SPIRE2: variants seen among roughly 807,000 people sequenced by gnomAD.
SPIRE2 encodes spire type actin nucleation factor 2.
A neutral mutation model predicts 80.7 loss-of-function variants in SPIRE2; 76 were observed. The ratio of observed to expected loss-of-function variants is 0.94; its 90% confidence interval spans 0.78 to 1.14. The LOEUF is 1.14. Among genes scored for constraint, SPIRE2 ranks in the 50% most tolerant of loss-of-function variants. The probability of loss-of-function intolerance (pLI) is 0.00; values close to 1 mark genes in which losing one functional copy is unlikely to be tolerated. For missense variants in SPIRE2, 1,196 were observed against 1,015.3 expected, an observed-to-expected ratio of 1.18 and a Z score of -2.42; for synonymous variants, 535 against 432.6, an observed-to-expected ratio of 1.24 and a Z score of -2.94.
intron 5 of SPIRE2, among the ~76,000 whole-genome samples, chr16:89,855,155 G>A (rs2041677846): frequency 6.6e-6 from 1 of 152,158 alleles, no homozygotes; most frequent in Non-Finnish European, 1.5e-5. Context: ...AGCCACGATG[G>A]TCTCGATCTC....
Position 89,828,715 on chromosome 16 carries a change from G to C in SPIRE2, c.165G>C (p.Pro55=). 12 of 1,263,916 alleles carry C rather than the reference G, an allele frequency of 9.5e-6. No homozygotes were observed. Among genetic ancestry groups the C allele is most frequent in the East Asian group, 3.3e-5 (1 of 30,046 alleles). 78.3% of individuals were successfully genotyped at this position (1,263,916 alleles called of 1,614,324 possible). Residue 55 remains proline, a synonymous_variant, in exon 1 of 15, where the codon CCG becomes CCC. Transcript: ENST00000378247. The surrounding 1 kb of genome is among the most constrained non-coding windows in gnomAD (Gnocchi z 5.9). ...GCTGCCGCGGGCTGCGGGGCTCGCC[G>C]GGCCGGCGCCTGCGGGATACCGGGG... ...FQGCRGLRGS[P]GRRLRDTGDL...
In SPIRE2 at chr16:89,863,168, A is replaced by G. The variant is rs184959219; in HGVS notation, c.1576-308A>G. 1.1e-3 allele frequency: 484 copies of G among 422,554 alleles called. 2 individuals are homozygous for G. The highest frequency in any genetic ancestry group is 9.3e-3 in the African/African-American group (461 of 49,606). The allele number at this position is 422,554 out of a possible 1,614,324, so 26.2% of individuals were successfully genotyped here. Reference sequence around the variant, plus strand: ...GATTCTGGCTGGTGTGGATCAGCCCATGGTGTGTTTGCAGGCAGGGACACC... The same window carrying G: ...GATTCTGGCTGGTGTGGATCAGCCCGTGGTGTGTTTGCAGGCAGGGACACC... On this transcript the variant is annotated intron_variant, in intron 10 of 14. Coordinates refer to ENST00000378247, the MANE Select transcript of SPIRE2 (RefSeq NM_032451.2). This position sits in a 1 kb window ranked among gnomAD's most constrained non-coding sequence, Gnocchi z 4.3.
At position 89,854,375 on chromosome 16, in the gene SPIRE2, C is replaced by T; in HGVS notation, c.726+9C>T. 6.2e-7 allele frequency: 1 copy of T among 1,612,058 alleles called. No homozygotes were observed. Among genetic ancestry groups the T allele is most frequent in the Non-Finnish European group, 8.5e-7 (1 of 1,179,658 alleles). On this transcript the variant is annotated intron_variant, in intron 4 of 14. Coordinates refer to ENST00000378247, the MANE Select transcript of SPIRE2 (RefSeq NM_032451.2). ...TGGGTCACACAGACTGGGTAAGGCT[C>T]ACTCCCACCTGACCGGGCCACTGAC...
At chr16:89,850,269 C>T in intron 2 of SPIRE2, 35 bp from the exon 3 acceptor site, 1 of 1,580,008 alleles carries the variant, frequency 6.3e-7, no homozygotes. Flanking sequence ...CACCCCCCTG[C>T]AGTACCGCCC....
intron 2 of SPIRE2, chr16:89,846,576 T>G (rs1371858173): frequency 6.6e-6 from 1 of 151,978 alleles, no homozygotes; most frequent in Non-Finnish European, 1.5e-5. Flanking sequence ...TGCAGTGGCG[T>G]GATCTTGGCT....
At chr16:89,867,058 T>C (rs748547436) in intron 12 of SPIRE2, among the ~76,000 whole-genome samples, 1 of 152,096 alleles carries the variant, frequency 6.6e-6, no homozygotes, top group African/African-American at 2.4e-5. Flanking sequence ...TACACACCAA[T>C]GTCTACACGT....
chr16:89,838,425 C>T (rs2041472013), intron 1 of SPIRE2, among the ~76,000 whole-genome samples: 2 of 152,006 alleles, frequency 1.3e-5, no homozygotes, highest in Admixed American at 6.6e-5. Context: ...CTCAGGTGAT[C>T]GGCCTGCCTC....
intron 3 of SPIRE2, among the ~76,000 whole-genome samples, chr16:89,852,611 C>T (rs1192449239): frequency 1.8e-5 from 1 of 55,350 alleles, no homozygotes; most frequent in Non-Finnish European, 3.6e-5. Context: ...CCCTCCACCC[C>T]CCAGATCCCC....
chr16:89,856,922 C>G (rs562424010), intron 7 of SPIRE2, among the ~76,000 whole-genome samples: 211 of 151,668 alleles, frequency 1.4e-3, no homozygotes, highest in African/African-American at 4.9e-3. Context: ...AAAAATTAGC[C>G]AGGTGTGGTG....
chr16:89,847,644 T>C (rs2041575750), intron 2 of SPIRE2, among the ~76,000 whole-genome samples: 1 of 152,210 alleles, frequency 6.6e-6, no homozygotes, highest in Admixed American at 6.5e-5. Flanking sequence ...ATGAAATGAC[T>C]GCACAGCCCC....
rs201891427 is a variant in SPIRE2, at chr16:89,856,136, G to T, written c.1002G>T (p.Pro334=). 8.1e-6 allele frequency: 13 copies of T among 1,611,690 alleles called. No homozygotes were observed. Among genetic ancestry groups the T allele is most frequent in the Non-Finnish European group, 1.0e-5 (12 of 1,179,688 alleles). Residue 334 remains proline, a synonymous_variant, in exon 7 of 15, where the codon CCG becomes CCT. Coordinates refer to ENST00000378247, the MANE Select transcript of SPIRE2 (RefSeq NM_032451.2). The stretch of plus-strand genomic sequence containing the variant: ...AGGTCTCTGAGAGGCGGCTGCGCCC[G>T]TTGCCACCAAAGCAAAGGTCCCTGC... ...LKQVSERRLR[P]LPPKQRSLHE...
rs2041619876 is a variant in SPIRE2 at position 89,850,849 on chromosome 16, T to TG, written c.645+189_645+190insG. Among the ~76,000 whole-genome samples the TG allele has an allele frequency of 5.9e-5, 9 of 152,096 alleles. No homozygotes were observed. In the South Asian group the frequency reaches 6.2e-4, roughly 11 times the overall value. ...GTTGTTTTTTTGTTGTTGTTGTTGT[T>TG]TTTTTAGACAGGGTCTCACTCTGTC... On this transcript the variant is annotated intron_variant, in intron 3 of 14. Coordinates refer to ENST00000378247, the MANE Select transcript of SPIRE2 (RefSeq NM_032451.2).
At position 89,828,743 on chromosome 16, in the gene SPIRE2, C is replaced by A. The variant is rs776584016; in HGVS notation, c.193C>A (p.Leu65Ile). The change falls in exon 1 of 15, where the codon CTC becomes ATC. Residue 65 changes from leucine to isoleucine, a missense_variant. Physicochemically the swap from Leu to Ile is conservative, Grantham distance 5. Coordinates refer to ENST00000378247, the MANE Select transcript of SPIRE2 (RefSeq NM_032451.2). The surrounding 1 kb of genome is among the most constrained non-coding windows in gnomAD (Gnocchi z 5.9). Reference sequence around the variant, plus strand: ...CCGGCGCCTGCGGGATACCGGGGACCTCCTGCTGCGCGGGGACGGCTCGGT... The same window carrying A: ...CCGGCGCCTGCGGGATACCGGGGACATCCTGCTGCGCGGGGACGGCTCGGT... Reference protein sequence around the residue: ...PGRRLRDTGDLLLRGDGSVGA... With the variant: ...PGRRLRDTGDILLRGDGSVGA... 5 of 1,222,906 alleles carry A rather than the reference C, an allele frequency of 4.1e-6. No individual in the cohort carries two copies. The highest frequency in any genetic ancestry group is 5.1e-6 in the Non-Finnish European group (5 of 980,434). The allele number at this position is 1,222,906 out of a possible 1,614,324, so 75.8% of individuals were successfully genotyped here.
intron 12 of SPIRE2, among the ~76,000 whole-genome samples, chr16:89,866,493 T>C (rs2041789952): frequency 6.6e-6 from 1 of 152,086 alleles, no homozygotes; most frequent in Non-Finnish European, 1.5e-5. Flanking sequence ...ATGGGGTTTC[T>C]CCATGTTGGT....
chr16:89,829,880 C>T (rs993567081), intron 1 of SPIRE2, among the ~76,000 whole-genome samples: 2 of 151,450 alleles, frequency 1.3e-5, no homozygotes, highest in African/African-American at 4.8e-5. Flanking sequence ...TCCCTCAGGG[C>T]TGTGCCCACT....
In SPIRE2 at chr16:89,870,684, C is replaced by A; in HGVS notation, c.*412C>A. 5.6e-6 allele frequency: 1 copy of A among 177,780 alleles called. No individual in the cohort carries two copies. The highest frequency in any genetic ancestry group is 1.2e-5 in the Non-Finnish European group (1 of 81,390). The allele number at this position is 177,780 out of a possible 1,614,324, so 11.0% of individuals were successfully genotyped here. A position where few individuals can be genotyped will look rare whatever the true frequency, so the allele number is the denominator to read the frequency against. ...CAGGGTATCTTGGCTCCCAGCTGGACCAGAGTGCCCTGCTTGCCTCTGCTC... is the reference window on the plus strand; with the variant it reads ...CAGGGTATCTTGGCTCCCAGCTGGAACAGAGTGCCCTGCTTGCCTCTGCTC... On this transcript the variant is annotated 3_prime_UTR_variant, in exon 15 of 15. Transcript: ENST00000378247.
chr16:89,842,208 A>ATGTTTTTTTTTTTTTT (rs2041512449), intron 1 of SPIRE2, among the ~76,000 whole-genome samples: 1 of 81,306 alleles, frequency 1.2e-5, no homozygotes, highest in African/African-American at 6.1e-5. Flanking sequence ...TGAACACGTA[A>ATGTTTTTTTTTTTTTT]TTTTTTTTTT....
chr16:89,828,699 G>C lies in SPIRE2; in HGVS notation c.149G>C (p.Gly50Ala). 1 of 1,287,682 alleles carries C rather than the reference G, an allele frequency of 7.8e-7. No homozygotes were observed. The highest frequency in any genetic ancestry group is 3.3e-5 in the East Asian group (1 of 30,364). 79.8% of individuals were successfully genotyped at this position (1,287,682 alleles called of 1,614,324 possible). ...AWAVCFQGCR[G>A]LRGSPGRRLR... ...GCCGTGTGCTTCCAGGGCTGCCGCG[G>C]GCTGCGGGGCTCGCCGGGCCGGCGC... is the stretch of plus-strand genomic sequence containing the variant. The change falls in exon 1 of 15, where the codon GGG (glycine) becomes GCG (alanine). Residue 50 changes from glycine to alanine, a missense_variant. Physicochemically the swap from Gly to Ala is moderately conservative, Grantham distance 60 (BLOSUM62 0). Coordinates refer to ENST00000378247, the MANE Select transcript of SPIRE2 (RefSeq NM_032451.2). This position sits in a 1 kb window ranked among gnomAD's most constrained non-coding sequence, Gnocchi z 5.9.
intron 12 of SPIRE2, among the ~76,000 whole-genome samples, chr16:89,865,004 CTTT>C (rs398042284): frequency 5.6e-5 from 7 of 125,352 alleles, no homozygotes; most frequent in Non-Finnish European, 1.0e-4. Context: ...ACTTTTTTTC[CTTT>C]TTTTTTTTTT....
Sources: gnomAD v4.1 joint callset for allele counts (sites outside exome capture counted in the v4.1 genomes callset) on GRCh38, gnomAD v4.1.1 for gene constraint, Gnocchi (gnomAD v3.1) non-coding constraint, MANE v1.5 for transcripts, NCBI Gene and HGNC (gene_info 2026-07-23, HGNC 2026-07-21) for gene names.